Variants in ZCCHC2 observed in about 807,000 individuals in gnomAD.
ZCCHC2 encodes zinc finger CCHC domain-containing protein 2.
A neutral mutation model predicts 103.6 loss-of-function variants in ZCCHC2; 39 were observed. The observed-to-expected ratio is 0.38, with a 90% CI of 0.29 to 0.49. ZCCHC2 has a LOEUF of 0.49. Among genes scored for constraint, ZCCHC2 ranks in the 20% least tolerant of loss-of-function variants. ZCCHC2 has a pLI of 0.96. For synonymous variants in ZCCHC2, 687 were observed against 608.9 expected (o/e 1.13, Z -1.89); for missense variants, 1,483 against 1,491.0 (o/e 0.99, Z 0.09).
intron 12 of ZCCHC2, 149 bp from the exon 13 acceptor site, chr18:62,573,908 G>A (rs781219972): frequency 1.6e-4 from 121 of 767,638 alleles, no homozygotes; most frequent in Middle Eastern, 3.7e-4. Flanking sequence ...AAAGCCGAAA[G>A]TTAAAGGGAG....
intron 5 of ZCCHC2, among the ~76,000 whole-genome samples, chr18:62,553,756 G>A (rs12961796): frequency 0.15 from 23,360 of 152,072 alleles, 2,322 homozygotes; most frequent in Non-Finnish European, 0.22. Flanking sequence ...TGCCCATCTC[G>A]GAAAGACAGT....
chr18:62,560,537 G>A (rs951170803), intron 7 of ZCCHC2, 50 bp from the exon 8 acceptor site: 1 of 1,523,194 alleles, frequency 6.6e-7, no homozygotes, highest in Non-Finnish European at 9.1e-7. Flanking sequence ...CCTACTGTTG[G>A]TTTTTGCTGC....
intron 6 of ZCCHC2, among the ~76,000 whole-genome samples, chr18:62,558,209 G>T (rs753499974): frequency 6.6e-6 from 1 of 152,124 alleles, no homozygotes; most frequent in South Asian, 2.1e-4. Flanking sequence ...ATGGGCCAGT[G>T]CTGGTCCATA....
intron 1 of ZCCHC2, among the ~76,000 whole-genome samples, chr18:62,534,455 G>A (rs1281346784): frequency 6.6e-6 from 1 of 152,188 alleles, no homozygotes; most frequent in Non-Finnish European, 1.5e-5. Context: ...TTATTGCTTG[G>A]ATAGTTGATG....
intron 8 of ZCCHC2, among the ~76,000 whole-genome samples, chr18:62,561,584 A>G (rs1246740696): frequency 2.6e-5 from 4 of 152,162 alleles, no homozygotes; most frequent in Non-Finnish European, 5.9e-5. Flanking sequence ...TCCAGCCTCC[A>G]CTGTGGACTC....
chr18:62,558,994 T>C (rs1195377096), intron 7 of ZCCHC2, among the ~76,000 whole-genome samples: 1 of 152,262 alleles, frequency 6.6e-6, no homozygotes, highest in Non-Finnish European at 1.5e-5. Context: ...ATAAATGGTG[T>C]TGGCACAATT....
chr18:62,545,019 T>A, intron 4 of ZCCHC2, 146 bp downstream of exon 4: 1 of 606,664 alleles, frequency 1.6e-6, no homozygotes, highest in Non-Finnish European at 2.7e-6. Flanking sequence ...GTGGAAAACG[T>A]CATGTTATTC....
At chr18:62,530,930 C>T (rs1042095228) in intron 1 of ZCCHC2, among the ~76,000 whole-genome samples, 2 of 152,086 alleles carry the variant, frequency 1.3e-5, no homozygotes, top group South Asian at 2.1e-4. Flanking sequence ...TTACATGATT[C>T]TTTGTTAGTT....
At chr18:62,580,175 A>G (rs1255556768), downstream of ZCCHC2, among the ~76,000 whole-genome samples, 1 of 151,758 alleles carries the variant, frequency 6.6e-6, no homozygotes, top group Non-Finnish European at 1.5e-5. Flanking sequence ...TATGGTCTTG[A>G]TGTTGTGTTC....
downstream of ZCCHC2, among the ~76,000 whole-genome samples, chr18:62,579,009 C>T (rs1568562488): frequency 6.6e-6 from 1 of 152,174 alleles, no homozygotes; most frequent in Non-Finnish European, 1.5e-5. Context: ...ATCAAGTGAT[C>T]TGCCTGCCTC....
intron 1 of ZCCHC2, among the ~76,000 whole-genome samples, chr18:62,533,992 T>G (rs1317094508): frequency 2.6e-5 from 4 of 152,210 alleles, no homozygotes; most frequent in African/African-American, 9.6e-5. Flanking sequence ...GGTACAGTTA[T>G]TTTGGAAATA....
Position 62,574,555 on chromosome 18 carries a change from A to C in ZCCHC2, c.2474A>C (p.Glu825Ala). ...LKLPPPQGSSESCTVNIPQQP... is the reference protein window; with the variant it reads ...LKLPPPQGSSASCTVNIPQQP... ...TTGCCACCACCACAGGGATCTTCTG[A>C]GAGCTGCACAGTTAACATCCCACAA... is the stretch of plus-strand genomic sequence containing the variant. The change falls in exon 13 of 14, where the codon GAG becomes GCG. Residue 825 changes from glutamate to alanine, a missense_variant. Coordinates refer to ENST00000269499, the MANE Select transcript of ZCCHC2 (RefSeq NM_017742.6). The C allele has an allele frequency of 6.2e-7, 1 of 1,613,990 alleles. No individual in the cohort carries two copies. The highest frequency in any genetic ancestry group is 1.1e-5 in the South Asian group (1 of 91,082).
chr18:62,579,609 G>A (rs922153342), downstream of ZCCHC2, among the ~76,000 whole-genome samples: 4 of 152,286 alleles, frequency 2.6e-5, no homozygotes, highest in Admixed American at 6.5e-5. Context: ...TATAGGTAAC[G>A]TGTAAATCAT....
At chr18:62,547,601 G>A (rs1105673) in intron 4 of ZCCHC2, among the ~76,000 whole-genome samples, 33,564 of 150,862 alleles carry the variant, frequency 0.22, 3,983 homozygotes, top group South Asian at 0.31. Context: ...TCCCAGGCTG[G>A]AGTGTAAGTG....
chr18:62,585,671 G>A (rs1332326682), exon 15 of ZCCHC2: 1 of 152,248 alleles, frequency 6.6e-6, no homozygotes, highest in Non-Finnish European at 1.5e-5. Context: ...TAGTGGGGAT[G>A]ATGACACTCG....
intron 11 of ZCCHC2, among the ~76,000 whole-genome samples, chr18:62,566,770 T>C (rs1005528294): frequency 6.6e-6 from 1 of 152,238 alleles, no homozygotes; most frequent in African/African-American, 2.4e-5. Flanking sequence ...ATGCCTTTGT[T>C]TGCTCATTTG....
chr18:62,539,709 A>C lies in ZCCHC2; in HGVS notation c.968A>C (p.Gln323Pro), dbSNP rs1568542001. Residue 323 changes from glutamine (Q) to proline (P), a missense_variant, in exon 2 of 14, where the codon CAA becomes CCA. Around this residue, in one of 3 missense-constraint regions of ZCCHC2, gnomAD observed 568 missense variants for 525.1 expected, o/e 1.08. Coordinates refer to ENST00000269499, the MANE Select transcript of ZCCHC2 (RefSeq NM_017742.6). ...QNNSAHGDYMQNNESSLIEQA... is the reference protein window; with the variant it reads ...QNNSAHGDYMPNNESSLIEQA... ...AACTCTGCTCATGGTGATTACATGCAAAATAACGAGAGCAGCTTAATAGAG... is the reference window on the plus strand; with the variant it reads ...AACTCTGCTCATGGTGATTACATGCCAAATAACGAGAGCAGCTTAATAGAG... 6.3e-7 allele frequency: 1 copy of C among 1,599,954 alleles called. No homozygotes were observed. The highest frequency in any genetic ancestry group is 8.5e-7 in the Non-Finnish European group (1 of 1,172,934).
intron 7 of ZCCHC2, among the ~76,000 whole-genome samples, chr18:62,560,058 T>C (rs758304674): frequency 6.6e-6 from 1 of 152,190 alleles, no homozygotes. Context: ...AGCACACATA[T>C]ATGGATAGTT....
intron 5 of ZCCHC2, among the ~76,000 whole-genome samples, chr18:62,555,376 CAGTT>C (rs1228016460): frequency 1.3e-5 from 2 of 152,194 alleles, no homozygotes; most frequent in African/African-American, 4.8e-5. Context: ...CATGAGTCAT[CAGTT>C]AGTCATGCCT....
Sources: allele counts gnomAD v4.1 joint callset (sites outside exome capture counted in the v4.1 genomes callset), GRCh38; gene constraint gnomAD v4.1.1; regional missense constraint gnomAD v4.1.1; transcripts MANE v1.5; gene names NCBI Gene and HGNC (gene_info 2026-07-23, HGNC 2026-07-21).